GRID2: variants seen among roughly 807,000 people sequenced by gnomAD.
GRID2 encodes the protein glutamate receptor ionotropic, delta-2.
In GRID2, 33 loss-of-function variants were observed where a neutral mutation model predicts 114.8. That is an observed-to-expected ratio of 0.29 (90% CI 0.22 to 0.38). The LOEUF (loss-of-function observed/expected upper bound fraction) is 0.38, where lower values mean the gene tolerates loss of function less well. Among genes scored for constraint, GRID2 ranks in the 10% least tolerant of loss-of-function variants. The pLI is 1.00. For synonymous variants in GRID2, 505 were observed against 449.9 expected (o/e 1.12, Z -1.55); for missense variants, 1,184 against 1,257.7 (o/e 0.94, Z 0.89).
rs67636690 is a variant in GRID2, at chr4:93,732,921, TAA to T, written c.2361-36277_2361-36276del. ...GCATATGTGGGGTCACTTTAAAAAA[TAA>T]AAAAAAAAAAAGAAGAGAAACTACA... On this transcript the variant is annotated intron_variant, in intron 14 of 15. Coordinates refer to ENST00000282020, the MANE Select transcript of GRID2 (RefSeq NM_001510.4). 7.3e-3 allele frequency among the ~76,000 whole-genome samples: 947 copies of T among 130,312 alleles called. 5 individuals carry two copies. Among genetic ancestry groups the T allele is most frequent in the South Asian group, 0.022 (92 of 4,274 alleles). 85.5% of individuals were successfully genotyped at this position (130,312 alleles called of 152,430 possible).
chr4:92,388,907 T>A (rs1730110630), intron 1 of GRID2, among the ~76,000 whole-genome samples: 1 of 152,040 alleles, frequency 6.6e-6, no homozygotes, highest in African/African-American at 2.4e-5. Context: ...AAAAAAAGGT[T>A]TTGTGGTCAA....
intron 2 of GRID2, among the ~76,000 whole-genome samples, chr4:92,758,664 A>T (rs962348217): frequency 6.6e-6 from 1 of 152,136 alleles, no homozygotes; most frequent in Non-Finnish European, 1.5e-5. Flanking sequence ...AAATACTTCT[A>T]ACAATAATAA....
chr4:92,823,131 A>T, intron 2 of GRID2: 1 of 152,198 alleles, frequency 6.6e-6, no homozygotes, highest in East Asian at 1.9e-4. Flanking sequence ...TGGAGAAGGT[A>T]ATTATGTACA....
intron 1 of GRID2, among the ~76,000 whole-genome samples, chr4:92,540,957 G>A (rs201296215): frequency 1.3e-5 from 2 of 152,180 alleles, no homozygotes; most frequent in Non-Finnish European, 2.9e-5. Context: ...GGAATACTAT[G>A]CAGCCATAAA....
In GRID2 at chr4:92,363,161, T is replaced by C. The variant is rs1340015055; in HGVS notation, c.88+58417T>C. ...GCATCAGTGTCTCCTGGTAGCTGAC[T>C]AGTGAAGTAGAGTATTAGATGCCAC... On this transcript the variant is annotated intron_variant, in intron 1 of 15. Transcript: ENST00000282020. 3.3e-5 allele frequency among the ~76,000 whole-genome samples: 5 copies of C among 152,094 alleles called. No individual in the cohort carries two copies. The East Asian group carries it at 7.7e-4, about 24-fold the overall frequency.
chr4:92,750,305 TC>T (rs1216545754), intron 2 of GRID2, among the ~76,000 whole-genome samples: 3 of 152,194 alleles, frequency 2.0e-5, no homozygotes, highest in Admixed American at 1.3e-4. Flanking sequence ...TCCAAACAGG[TC>T]CTGCCATAGA....
rs143621827 is a variant in GRID2, at chr4:93,454,043, C to T, written c.1546-1619C>T. Among the ~76,000 whole-genome samples, 340 of 151,984 alleles carry T rather than the reference C, an allele frequency of 2.2e-3. 2 individuals carry two copies. Among genetic ancestry groups the T allele is most frequent in the African/African-American group, 7.7e-3 (318 of 41,494 alleles). On this transcript the variant is annotated intron_variant, in intron 10 of 15. Coordinates refer to ENST00000282020, the MANE Select transcript of GRID2 (RefSeq NM_001510.4). ...GGTTAGATTTTCCATCTGAAAAGAC[C>T]CAATTCCCAATATCTTGCTATAAAA...
intron 1 of GRID2, among the ~76,000 whole-genome samples, chr4:92,509,866 A>C (rs1579490851): frequency 6.6e-6 from 1 of 151,938 alleles, no homozygotes; most frequent in East Asian, 1.9e-4. Context: ...AAAATAGAGC[A>C]GAAAAATGTG....
At chr4:93,563,386 A>G (rs1464656693) in intron 13 of GRID2, among the ~76,000 whole-genome samples, 1 of 151,884 alleles carries the variant, frequency 6.6e-6, no homozygotes. Flanking sequence ...TATTGTAGCA[A>G]TTCATTTTCT....
At position 93,152,019 on chromosome 4, in the gene GRID2, G is replaced by A. The variant is rs369303998; in HGVS notation, c.735+41066G>A. On this transcript the variant is annotated intron_variant, in intron 4 of 15. Transcript: ENST00000282020. ...TTTTTGCCTGTTCTAGTTTCACGTG[G>A]TAAAATACTGTGTATAGATAAACAC... Among the ~76,000 whole-genome samples the A allele has an allele frequency of 1.6e-4, 24 of 152,136 alleles. No individual in the cohort carries two copies. In the East Asian group the frequency reaches 3.1e-3, roughly 20 times the overall value.
At chr4:93,239,339 A>G (rs1291895293) in intron 8 of GRID2, among the ~76,000 whole-genome samples, 1 of 148,510 alleles carries the variant, frequency 6.7e-6, no homozygotes, top group Non-Finnish European at 1.5e-5. Context: ...CTATCTATCT[A>G]TCTATGTATC....
At chr4:93,633,701 A>G (rs538620064) in intron 14 of GRID2, among the ~76,000 whole-genome samples, 1 of 151,216 alleles carries the variant, frequency 6.6e-6, no homozygotes, top group Non-Finnish European at 1.5e-5. Context: ...AAAGCTAAGA[A>G]AAAAAATCTA....
intron 2 of GRID2, among the ~76,000 whole-genome samples, chr4:93,017,881 G>T (rs1470983048): frequency 7.9e-5 from 11 of 139,708 alleles, no homozygotes; most frequent in Non-Finnish European, 1.7e-4. Flanking sequence ...AAGACAGTAA[G>T]CTTTTTTTTT....
chr4:92,921,160 A>G (rs1023860957), intron 2 of GRID2, among the ~76,000 whole-genome samples: 1 of 151,934 alleles, frequency 6.6e-6, no homozygotes, highest in African/African-American at 2.4e-5. Flanking sequence ...AGGCTTGTAC[A>G]TTCATCATGT....
chr4:92,367,127 G>T (rs1183567101), intron 1 of GRID2, among the ~76,000 whole-genome samples: 2 of 151,954 alleles, frequency 1.3e-5, no homozygotes, highest in African/African-American at 4.8e-5. Flanking sequence ...TTCAAATTAT[G>T]CACTGTTGGC....
chr4:92,348,950 T>C (rs1374558472), intron 1 of GRID2, among the ~76,000 whole-genome samples: 2 of 151,902 alleles, frequency 1.3e-5, no homozygotes, highest in Admixed American at 6.6e-5. Context: ...CCTAAGAGAG[T>C]ACTCTGAAAA....
At chr4:92,599,028 CTTTTTTTTT>C in intron 2 of GRID2, among the ~76,000 whole-genome samples, 1 of 115,276 alleles carries the variant, frequency 8.7e-6, no homozygotes, top group South Asian at 2.8e-4. Flanking sequence ...AATGCTTTTC[CTTTTTTTTT>C]TTTTTTTTTT....
At chr4:92,763,215 ATTAAC>A (rs1319482345) in intron 2 of GRID2, among the ~76,000 whole-genome samples, 1 of 152,180 alleles carries the variant, frequency 6.6e-6, no homozygotes, top group East Asian at 1.9e-4. Flanking sequence ...ATATTTATAA[ATTAAC>A]TTCTAGGCTT....
chr4:92,775,936 CTA>C (rs1738771160), intron 2 of GRID2, among the ~76,000 whole-genome samples: 1 of 152,050 alleles, frequency 6.6e-6, no homozygotes, highest in Non-Finnish European at 1.5e-5. Context: ...AATGCATACA[CTA>C]TGTTTAAGAA....
Sources: allele counts gnomAD v4.1 joint callset (sites outside exome capture counted in the v4.1 genomes callset), GRCh38; gene constraint gnomAD v4.1.1; transcripts MANE v1.5; gene names NCBI Gene and HGNC (gene_info 2026-07-23, HGNC 2026-07-21).